RAD51B: variants seen among roughly 807,000 people sequenced by gnomAD.
RAD51B encodes the protein RAD51 paralog B.
A neutral mutation model predicts 42.2 loss-of-function variants in RAD51B; 38 were observed. The ratio of observed to expected loss-of-function variants is 0.90; its 90% CI spans 0.70 to 1.18. The LOEUF (loss-of-function observed/expected upper bound fraction) is 1.18. Among genes scored for constraint, RAD51B ranks in the 50% most tolerant of loss-of-function variants. The pLI is 0.00. For missense variants in RAD51B, 373 were observed against 400.7 expected (o/e 0.93, Z 0.59); for synonymous variants, 154 against 145.2 (o/e 1.06, Z -0.43).
intron 7 of RAD51B, among the ~76,000 whole-genome samples, chr14:68,245,252 C>T (rs1335243593): frequency 2.0e-5 from 3 of 152,222 alleles, no homozygotes; most frequent in Non-Finnish European, 2.9e-5. Context: ...AGCTGAATGC[C>T]TATTTCCCCC....
At chr14:68,449,574 C>A (rs926049277) in intron 9 of RAD51B, among the ~76,000 whole-genome samples, 1 of 152,140 alleles carries the variant, frequency 6.6e-6, no homozygotes, top group Non-Finnish European at 1.5e-5. Flanking sequence ...ACCTTTAGGC[C>A]CATCCCCCCA....
intron 7 of RAD51B, among the ~76,000 whole-genome samples, chr14:68,098,090 A>G (rs2077225373): frequency 6.6e-6 from 1 of 152,168 alleles, no homozygotes; most frequent in Non-Finnish European, 1.5e-5. Flanking sequence ...CTCTTTTCAT[A>G]TTAAACTGTT....
At chr14:68,087,850 A>G (rs946029356) in intron 7 of RAD51B, among the ~76,000 whole-genome samples, 11 of 123,656 alleles carry the variant, frequency 8.9e-5, no homozygotes, top group Non-Finnish European at 8.0e-5. Flanking sequence ...TATAATTATT[A>G]TATATATAAT....
intron 10 of RAD51B, among the ~76,000 whole-genome samples, chr14:68,603,821 G>A (rs968659411): frequency 2.3e-4 from 35 of 152,192 alleles, no homozygotes; most frequent in Non-Finnish European, 3.4e-4. Flanking sequence ...CCAGCCCTGC[G>A]GCCGCGCTGG....
At chr14:68,151,961 A>C (rs1019102437) in intron 7 of RAD51B, among the ~76,000 whole-genome samples, 17 of 146,762 alleles carry the variant, frequency 1.2e-4, no homozygotes, top group African/African-American at 3.8e-4. Flanking sequence ...CTCCTGCCCC[A>C]GCCTCCTGAG....
At chr14:68,615,606 A>G (rs1891810006), downstream of RAD51B, among the ~76,000 whole-genome samples, 1 of 152,108 alleles carries the variant, frequency 6.6e-6, no homozygotes, top group South Asian at 2.1e-4. Flanking sequence ...CAGCCTCCCA[A>G]AGTGCTGGGA....
At chr14:68,391,066 T>G (rs1199847817) in intron 8 of RAD51B, among the ~76,000 whole-genome samples, 1 of 152,190 alleles carries the variant, frequency 6.6e-6, no homozygotes, top group Non-Finnish European at 1.5e-5. Context: ...AAAGTTCAGT[T>G]TAGGATATGT....
chr14:68,206,876 G>A (rs546563948), intron 7 of RAD51B, among the ~76,000 whole-genome samples: 2 of 145,260 alleles, frequency 1.4e-5, no homozygotes, highest in East Asian at 2.1e-4. Context: ...TGCAAGCCCC[G>A]CCTCCCGGGT....
chr14:67,876,576 C>T (rs1308423129), intron 5 of RAD51B, among the ~76,000 whole-genome samples: 3 of 152,140 alleles, frequency 2.0e-5, no homozygotes, highest in African/African-American at 7.2e-5. Flanking sequence ...TAGTCACTTG[C>T]CAGGTGAGAT....
chr14:67,912,807 G>T (rs1163528890), intron 7 of RAD51B, among the ~76,000 whole-genome samples: 1 of 151,706 alleles, frequency 6.6e-6, no homozygotes, highest in Non-Finnish European at 1.5e-5. Context: ...CCAGGTTCAA[G>T]TGATTCTCCT....
chr14:67,948,081 G>T (rs548869289), intron 7 of RAD51B, among the ~76,000 whole-genome samples: 1 of 152,254 alleles, frequency 6.6e-6, no homozygotes, highest in Admixed American at 6.5e-5. Context: ...TTGTGGAGTT[G>T]TATATAAAGT....
chr14:68,257,598 A>T (rs1040554164), intron 7 of RAD51B, among the ~76,000 whole-genome samples: 1 of 152,192 alleles, frequency 6.6e-6, no homozygotes, highest in East Asian at 1.9e-4. Flanking sequence ...TAAAATTATT[A>T]AAATGTGTAT....
At chr14:68,470,627 CAG>C (rs974536416) in intron 10 of RAD51B, 1,240 of 490,650 alleles carry the variant, frequency 2.5e-3, no homozygotes, top group South Asian at 3.4e-3. Flanking sequence ...CATTTGAAAA[CAG>C]AGAGAGAGAG....
chr14:68,621,936 T>C (rs1260247616), intron 10 of RAD51B, among the ~76,000 whole-genome samples: 1 of 152,170 alleles, frequency 6.6e-6, no homozygotes, highest in Non-Finnish European at 1.5e-5. Flanking sequence ...CCCTTTCCCA[T>C]GTCACTCATG....
At chr14:68,526,853 T>A (rs1886965112) in intron 10 of RAD51B, among the ~76,000 whole-genome samples, 1 of 152,188 alleles carries the variant, frequency 6.6e-6, no homozygotes, top group African/African-American at 2.4e-5. Flanking sequence ...CTAGTTCATT[T>A]TCAGCCAGGA....
rs118006043 is a variant in RAD51B, at chr14:68,239,064, T to C, written c.757-52820T>C. Among the ~76,000 whole-genome samples, 1,249 of 152,346 alleles carry C rather than the reference T, an allele frequency of 8.2e-3. 4 individuals are homozygous for C. The highest frequency in any genetic ancestry group is 0.011 in the Non-Finnish European group (724 of 68,038). On this transcript the variant is annotated intron_variant, in intron 7 of 10. Coordinates refer to ENST00000471583, the MANE Select transcript of RAD51B (RefSeq NM_133510.4). Reference sequence around the variant, plus strand: ...AATAGTCACAGCATATAATGCGCTATACTGGTTACCAAGTTCACATAGATA... The same window carrying C: ...AATAGTCACAGCATATAATGCGCTACACTGGTTACCAAGTTCACATAGATA...
At chr14:68,295,408 G>C (rs2081594220) in intron 8 of RAD51B, among the ~76,000 whole-genome samples, 1 of 152,186 alleles carries the variant, frequency 6.6e-6, no homozygotes, top group Non-Finnish European at 1.5e-5. Flanking sequence ...CAAACACTGG[G>C]AGGGCAACAG....
At chr14:68,324,779 C>T (rs1253902501) in intron 8 of RAD51B, among the ~76,000 whole-genome samples, 1 of 152,076 alleles carries the variant, frequency 6.6e-6, no homozygotes, top group African/African-American at 2.4e-5. Context: ...GTTTATATCA[C>T]CTCCTAGGCT....
intron 7 of RAD51B, among the ~76,000 whole-genome samples, chr14:68,172,771 T>C (rs1332372117): frequency 1.3e-5 from 2 of 152,232 alleles, no homozygotes; most frequent in East Asian, 3.8e-4. Flanking sequence ...TGGGTAACTT[T>C]CTAGCTAGTC....
Sources: gnomAD v4.1 joint callset for allele counts (sites outside exome capture counted in the v4.1 genomes callset) on GRCh38, gnomAD v4.1.1 for gene constraint, MANE v1.5 for transcripts, NCBI Gene and HGNC (gene_info 2026-07-23, HGNC 2026-07-21) for gene names.